Variants in ENOX1 observed in about 807,000 individuals in gnomAD.
ENOX1 encodes the protein ecto-NOX disulfide-thiol exchanger 1, also known as candidate growth-related and time keeping constitutive hydroquinone (NADH) oxidase.
In ENOX1, 42 loss-of-function variants were observed where a neutral mutation model predicts 82.5. The ratio of observed to expected loss-of-function variants is 0.51; its 90% CI spans 0.40 to 0.66. The LOEUF is 0.66. ENOX1 is among the 30% of genes least tolerant of loss of function. The probability of loss-of-function intolerance (pLI) is 0.00; values close to 1 mark genes in which losing one functional copy is unlikely to be tolerated. For missense variants in ENOX1, 608 were observed against 811.6 expected (o/e 0.75, Z 3.05); for synonymous variants, 271 against 282.2 (o/e 0.96, Z 0.40).
At chr13:43,581,666 G>T (rs2080748481) in intron 2 of ENOX1, among the ~76,000 whole-genome samples, 1 of 152,148 alleles carries the variant, frequency 6.6e-6, no homozygotes, top group Non-Finnish European at 1.5e-5. Context: ...CTCTCCTAGT[G>T]GGTATTTTTG....
chr13:43,283,959 C>A (rs1336429261), intron 12 of ENOX1, among the ~76,000 whole-genome samples: 1 of 151,994 alleles, frequency 6.6e-6, no homozygotes, highest in Non-Finnish European at 1.5e-5. Context: ...ATGTTTTAAA[C>A]TTTCCAGATA....
intron 11 of ENOX1, among the ~76,000 whole-genome samples, chr13:43,319,558 C>T (rs2047693408): frequency 6.6e-6 from 1 of 152,156 alleles, no homozygotes; most frequent in African/African-American, 2.4e-5. Context: ...TCCATCTCTT[C>T]CCTGCCCCCC....
chr13:43,748,735 A>G (rs1473249462), intron 1 of ENOX1, among the ~76,000 whole-genome samples: 17 of 152,232 alleles, frequency 1.1e-4, no homozygotes, highest in Non-Finnish European at 1.0e-4. Flanking sequence ...TTAGCACAGT[A>G]CCAGACATAA....
At position 43,786,305 on chromosome 13, in the gene ENOX1, CA is replaced by C. The variant is rs1662380722; in HGVS notation, c.-285+346del. On this transcript the variant is annotated intron_variant, in intron 1 of 16. Transcript: ENST00000690772. The surrounding 1 kb of genome is among the most constrained non-coding windows in gnomAD (Gnocchi z 6.0). Reference sequence around the variant, plus strand: ...GGTGCGGGGTGCGCTGTCCAAGGTGCAGGGGAGGTGACTGGCGCGCGGCGGG... The same window carrying C: ...GGTGCGGGGTGCGCTGTCCAAGGTGCGGGGAGGTGACTGGCGCGCGGCGGG... Among the ~76,000 whole-genome samples, 1 of 152,112 alleles carries C rather than the reference CA, an allele frequency of 6.6e-6. No homozygotes were observed. Among genetic ancestry groups the C allele is most frequent in the Admixed American group, 6.5e-5 (1 of 15,274 alleles).
At chr13:43,609,652 A>G (rs928384664) in intron 2 of ENOX1, among the ~76,000 whole-genome samples, 1 of 152,220 alleles carries the variant, frequency 6.6e-6, no homozygotes, top group Middle Eastern at 3.2e-3. Flanking sequence ...AATGTCACAC[A>G]TGCAATTGGA....
chr13:43,479,900 C>T (rs773481753), intron 3 of ENOX1, among the ~76,000 whole-genome samples: 54 of 151,864 alleles, frequency 3.6e-4, no homozygotes, highest in Non-Finnish European at 7.2e-4. Context: ...TTCCTGAGAA[C>T]CGTGGTTACT....
chr13:43,593,663 T>TCC lies in ENOX1; in HGVS notation c.-219+73815_-219+73816insGG, dbSNP rs2081340442. 7.0e-5 allele frequency among the ~76,000 whole-genome samples: 2 copies of TCC among 28,550 alleles called. 1 individual carries two copies. The highest frequency in any genetic ancestry group is 1.3e-4 in the Non-Finnish European group (2 of 15,812). The allele number at this position is 28,550 out of a possible 152,430, so 18.7% of individuals were successfully genotyped here. A position where few individuals can be genotyped will look rare whatever the true frequency, so the allele number is the denominator to read the frequency against. ...CCCCCACCCCCACCCTGCCACCCAA[T>TCC]CTCTGTACACACACACACACACACA... On this transcript the variant is annotated intron_variant, in intron 2 of 16. Transcript: ENST00000690772.
chr13:43,308,191 C>A (rs561359749), intron 11 of ENOX1, among the ~76,000 whole-genome samples: 1 of 152,260 alleles, frequency 6.6e-6, no homozygotes, highest in East Asian at 1.9e-4. Context: ...TCCAGTGAAC[C>A]AGAGGATACT....
At chr13:43,322,036 A>G (rs1172795247) in intron 11 of ENOX1, among the ~76,000 whole-genome samples, 1 of 152,222 alleles carries the variant, frequency 6.6e-6, no homozygotes, top group Non-Finnish European at 1.5e-5. Context: ...GGATTAAACA[A>G]TTCCCATGTA....
At chr13:43,517,585 C>A (rs929985523) in intron 2 of ENOX1, among the ~76,000 whole-genome samples, 1 of 152,084 alleles carries the variant, frequency 6.6e-6, no homozygotes, top group Non-Finnish European at 1.5e-5. Context: ...TGGAATAAAT[C>A]CCAATCAATG....
At chr13:43,426,558 C>T (rs1242536981) in intron 3 of ENOX1, among the ~76,000 whole-genome samples, 2 of 152,084 alleles carry the variant, frequency 1.3e-5, no homozygotes, top group Non-Finnish European at 2.9e-5. Flanking sequence ...TACTCTTGAG[C>T]AATTCTCAAT....
chr13:43,327,205 C>T (rs2048164370), intron 9 of ENOX1, among the ~76,000 whole-genome samples: 1 of 152,196 alleles, frequency 6.6e-6, no homozygotes, highest in South Asian at 2.1e-4. Context: ...CAACCAGTGG[C>T]ACTGGCATGC....
At chr13:43,272,047 T>C (rs2044716778) in intron 12 of ENOX1, among the ~76,000 whole-genome samples, 3 of 152,302 alleles carry the variant, frequency 2.0e-5, no homozygotes, top group Middle Eastern at 6.8e-3. Context: ...AAATGTGCTA[T>C]ACATAAGGAA....
chr13:43,485,365 T>C (rs924219895), intron 2 of ENOX1, among the ~76,000 whole-genome samples: 1 of 152,230 alleles, frequency 6.6e-6, no homozygotes, highest in African/African-American at 2.4e-5. Flanking sequence ...CCATAGACTT[T>C]TGTCTGTCCT....
At chr13:43,630,933 TTGTGTG>T (rs139713177) in intron 2 of ENOX1, among the ~76,000 whole-genome samples, 2 of 149,332 alleles carry the variant, frequency 1.3e-5, no homozygotes, top group Admixed American at 6.6e-5. Context: ...GTGTGTGTGT[TTGTGTG>T]TGTGTGTGTG....
intron 1 of ENOX1, among the ~76,000 whole-genome samples, chr13:43,763,477 A>G (rs776983197): frequency 3.9e-5 from 6 of 152,202 alleles, no homozygotes; most frequent in Admixed American, 2.0e-4. Flanking sequence ...GGACACACAC[A>G]TTCAGTCTAT....
chr13:43,559,407 C>T (rs4942238), intron 2 of ENOX1, among the ~76,000 whole-genome samples: 1 of 152,112 alleles, frequency 6.6e-6, no homozygotes, highest in African/African-American at 2.4e-5. Flanking sequence ...CCATGTACAA[C>T]CTTAATTTTC....
chr13:43,501,632 G>T (rs1374838292), intron 2 of ENOX1, among the ~76,000 whole-genome samples: 1 of 151,202 alleles, frequency 6.6e-6, no homozygotes, highest in African/African-American at 2.4e-5. Flanking sequence ...ATGGAAATTT[G>T]AAAACACACT....
chr13:43,571,895 G>A (rs184993656), intron 2 of ENOX1, among the ~76,000 whole-genome samples: 6 of 152,080 alleles, frequency 3.9e-5, no homozygotes, highest in African/African-American at 1.4e-4. Flanking sequence ...GCGGTGGGGC[G>A]GTGGGGGTGG....
Sources: allele counts gnomAD v4.1 joint callset (sites outside exome capture counted in the v4.1 genomes callset), GRCh38; gene constraint gnomAD v4.1.1; non-coding constraint Gnocchi (gnomAD v3.1); transcripts MANE v1.5; gene names NCBI Gene and HGNC (gene_info 2026-07-23, HGNC 2026-07-21).